AADAC: variants seen among roughly 807,000 people sequenced by gnomAD.
AADAC encodes the protein arylacetamide deacetylase.
In AADAC, 17 loss-of-function variants were observed where a neutral mutation model predicts 22.7. The observed-to-expected ratio is 0.75, with a 90% CI of 0.51 to 1.12. The LOEUF (loss-of-function observed/expected upper bound fraction) is 1.12, where lower values mean the gene tolerates loss of function less well. Among genes scored for constraint, AADAC ranks in the 50% most tolerant of loss-of-function variants. The probability of loss-of-function intolerance (pLI) is 0.00; values close to 1 mark genes in which losing one functional copy is unlikely to be tolerated. For missense variants in AADAC, 465 were observed against 473.9 expected, an observed-to-expected ratio of 0.98 and a Z score of 0.17; for synonymous variants, 167 against 176.3, an observed-to-expected ratio of 0.95 and a Z score of 0.42.
intron 3 of AADAC, among the ~76,000 whole-genome samples, chr3:151,820,684 A>ATTTTTTTTTTTTTTTTTTTTTTTTTTT (rs201359958): frequency 1.1e-5 from 1 of 88,448 alleles, no homozygotes; most frequent in African/African-American, 4.0e-5. Context: ...CACCCGGCTA[A>ATTTTTTTTTTTTTTTTTTTTTTTTTTT]TTTTTTTATT....
intron 1 of AADAC, among the ~76,000 whole-genome samples, chr3:151,816,768 T>C (rs557525834): frequency 1.3e-5 from 2 of 152,182 alleles, no homozygotes; most frequent in South Asian, 2.1e-4. Context: ...ACACTTTTTT[T>C]TTACTATCTT....
At chr3:151,814,423 G>T in intron 1 of AADAC, 123 bp downstream of exon 1, 2 of 1,044,268 alleles carry the variant, frequency 1.9e-6, no homozygotes, top group Non-Finnish European at 1.3e-6. Context: ...TAACTGCTGT[G>T]GCCTTTGACA....
At chr3:151,824,950 A>G in intron 4 of AADAC, 116 bp downstream of exon 4, 4 of 671,904 alleles carry the variant, frequency 6.0e-6, no homozygotes, top group Non-Finnish European at 8.0e-6. Flanking sequence ...GGAGATATTG[A>G]TTTTTTGAAA....
intron 3 of AADAC, among the ~76,000 whole-genome samples, chr3:151,822,096 T>G (rs1422829347): frequency 6.6e-6 from 1 of 151,816 alleles, no homozygotes; most frequent in Non-Finnish European, 1.5e-5. Flanking sequence ...CATTAGTCAT[T>G]AGAGAAATGC....
chr3:151,821,776 T>C (rs549563494), intron 3 of AADAC, among the ~76,000 whole-genome samples: 1 of 152,004 alleles, frequency 6.6e-6, no homozygotes, highest in Non-Finnish European at 1.5e-5. Flanking sequence ...TAAAATATAC[T>C]TTAAAATATT....
In AADAC at chr3:151,828,306, T is replaced by C; in HGVS notation, c.*134T>C. The C allele has an allele frequency of 6.4e-6, 3 of 470,486 alleles. No homozygotes were observed. The highest frequency in any genetic ancestry group is 1.1e-5 in the Non-Finnish European group (3 of 281,942). 29.1% of individuals were successfully genotyped at this position (470,486 alleles called of 1,614,324 possible). A position where few individuals can be genotyped will look rare whatever the true frequency, so the allele number is the denominator to read the frequency against. ...CATAATTCTTAAATAGGCACTTTTC[T>C]GTTTTTTTTTTCTTACTGTGGGATT... On this transcript the variant is annotated 3_prime_UTR_variant, in exon 5 of 5. Transcript: ENST00000232892.
chr3:151,827,536 T>TGGG, intron 4 of AADAC, 40 bp from the exon 5 acceptor site: 1 of 1,329,500 alleles, frequency 7.5e-7, no homozygotes, highest in Non-Finnish European at 1.0e-6. Context: ...TTTTATTGTT[T>TGGG]TAAATGAAAA....
chr3:151,823,495 T>C (rs1969348), intron 3 of AADAC, among the ~76,000 whole-genome samples: 115,824 of 151,666 alleles, frequency 0.76, 44,597 homozygotes, highest in Middle Eastern at 0.84. Context: ...AAAAGGATAT[T>C]GAAATCATCA....
intron 3 of AADAC, among the ~76,000 whole-genome samples, chr3:151,821,371 C>G (rs915948483): frequency 6.6e-6 from 1 of 151,758 alleles, no homozygotes; most frequent in Non-Finnish European, 1.5e-5. Flanking sequence ...GATAAATAAT[C>G]CACCTATGGA....
chr3:151,824,517 G>T, intron 3 of AADAC, 146 bp from the exon 4 acceptor site: 1 of 505,606 alleles, frequency 2.0e-6, no homozygotes, highest in Non-Finnish European at 3.1e-6. Context: ...GAAAATTAAA[G>T]AAATTATATA....
At chr3:151,820,844 C>T (rs1266277977) in intron 3 of AADAC, among the ~76,000 whole-genome samples, 8 of 143,550 alleles carry the variant, frequency 5.6e-5, no homozygotes, top group African/African-American at 1.3e-4. Flanking sequence ...TCAGCCAATG[C>T]ATGATCATGC....
rs1036060342 is a variant in AADAC at position 151,828,047 on chromosome 3, A to G, written c.1075A>G (p.Thr359Ala). 6.2e-7 allele frequency: 1 copy of G among 1,613,246 alleles called. No individual in the cohort carries two copies. Among genetic ancestry groups the G allele is most frequent in the Admixed American group, 1.7e-5 (1 of 59,934 alleles). ...CATGTATGTCACCCGACTTCGCAAC[A>G]CTGGGGTTCAGGTGACTCATAACCA... ...GLMYVTRLRN[T>A]GVQVTHNHVE... The change falls in exon 5 of 5, where the codon ACT (threonine) becomes GCT (alanine). Residue 359 changes from threonine to alanine, a missense_variant. Coordinates refer to ENST00000232892, the MANE Select transcript of AADAC (RefSeq NM_001086.3).
In AADAC at chr3:151,826,946, ACT is replaced by A. The variant is rs927237366; in HGVS notation, c.604-627_604-626del. ...ATATATTTTTTTGAGACAGTGTGTC[ACT>A]CTGTCTCCCAGGCTGGAGTGCAGTG... is the stretch of plus-strand genomic sequence containing the variant. On this transcript the variant is annotated intron_variant, in intron 4 of 4. Coordinates refer to ENST00000232892, the MANE Select transcript of AADAC (RefSeq NM_001086.3). Among the ~76,000 whole-genome samples, 92 of 151,878 alleles carry A rather than the reference ACT, an allele frequency of 6.1e-4. 1 individual carries two copies. The highest frequency in any genetic ancestry group is 2.0e-3 in the African/African-American group (81 of 41,450).
chr3:151,828,194 A>G lies in AADAC; in HGVS notation c.*22A>G. On this transcript the variant is annotated 3_prime_UTR_variant, in exon 5 of 5. Coordinates refer to ENST00000232892, the MANE Select transcript of AADAC (RefSeq NM_001086.3). ...ATAGTAAAACATGTAGCTATAACAT[A>G]TTTTAAAAATAAAATCTGAAAACCT... The G allele has an allele frequency of 7.3e-7, 1 of 1,367,286 alleles. No individual in the cohort carries two copies. The highest frequency in any genetic ancestry group is 9.7e-7 in the Non-Finnish European group (1 of 1,029,858). 84.7% of individuals were successfully genotyped at this position (1,367,286 alleles called of 1,614,324 possible).
Position 151,824,686 on chromosome 3 carries a change from AT to A in AADAC, c.458del (p.Phe153SerfsTer12). The A allele has an allele frequency of 4.4e-6, 7 of 1,582,852 alleles. No homozygotes were observed. The highest frequency in any genetic ancestry group is 4.3e-6 in the Non-Finnish European group (5 of 1,167,080). On this transcript the variant is annotated frameshift_variant, in exon 4 of 5. Transcript: ENST00000232892. LOFTEE classifies it high-confidence loss of function. ...STNYRLAPKYHFPIQFEDVYN... is the reference protein window; with the variant it reads ...STNYRLAPKYXFPIQFEDVYN... Reference sequence around the variant, plus strand: ...AGCTACAGATTAGCACCTAAGTATCATTTCCCAATTCAATTTGAAGATGTAT... The same window carrying A: ...AGCTACAGATTAGCACCTAAGTATCATTCCCAATTCAATTTGAAGATGTAT...
At chr3:151,817,618 A>G in intron 2 of AADAC, 30 bp downstream of exon 2, 1 of 1,597,000 alleles carries the variant, frequency 6.3e-7, no homozygotes, top group Non-Finnish European at 8.6e-7. Flanking sequence ...AATCTCTGTC[A>G]CTGAGGTAGT....
intron 1 of AADAC, among the ~76,000 whole-genome samples, chr3:151,816,012 C>A (rs976438841): frequency 6.6e-6 from 1 of 152,012 alleles, no homozygotes; most frequent in Non-Finnish European, 1.5e-5. Flanking sequence ...ACATATTTAA[C>A]CTTCCTGGGC....
chr3:151,827,267 T>C (rs1287447742), intron 4 of AADAC, among the ~76,000 whole-genome samples: 1 of 151,986 alleles, frequency 6.6e-6, no homozygotes, highest in East Asian at 1.9e-4. Flanking sequence ...TTCTTCTGGT[T>C]ATCATTCCTA....
Position 151,827,933 on chromosome 3 carries a change from C to A in AADAC, c.961C>A (p.Pro321Thr), listed in dbSNP as rs768419821. 1 of 1,611,014 alleles carries A rather than the reference C, an allele frequency of 6.2e-7. No individual in the cohort carries two copies. Among genetic ancestry groups the A allele is most frequent in the South Asian group, 1.1e-5 (1 of 90,758 alleles). Residue 321 changes from proline to threonine, a missense_variant, in exon 5 of 5, where the codon CCT becomes ACT. By Grantham distance (38) the Pro-to-Thr change is conservative. Transcript: ENST00000232892. The part of the protein sequence containing the change: ...YPGFLDVRAA[P>T]LLADDNKLRG... ...AGGGTTCCTAGATGTGAGGGCAGCC[C>A]CTTTGTTGGCTGATGACAACAAATT...
Sources: gnomAD v4.1 joint callset for allele counts (sites outside exome capture counted in the v4.1 genomes callset) on GRCh38, gnomAD v4.1.1 for gene constraint, MANE v1.5 for transcripts, NCBI Gene and HGNC (gene_info 2026-07-23, HGNC 2026-07-21) for gene names.